Variants in SPCS2 observed in about 807,000 individuals in gnomAD.
SPCS2 encodes the protein signal peptidase complex subunit 2, also known as SPase 25 kDa subunit.
Under a neutral mutation model 22.3 loss-of-function variants are expected in SPCS2, and 3 were observed. The observed-to-expected ratio is 0.13, with a 90% CI of 0.06 to 0.35. SPCS2 has a LOEUF of 0.35. SPCS2 is among the 10% of genes least tolerant of loss of function. The probability of loss-of-function intolerance (pLI) is 1.00; values close to 1 mark genes in which losing one functional copy is unlikely to be tolerated. For synonymous variants in SPCS2, 67 were observed against 97.2 expected, an observed-to-expected ratio of 0.69 and a Z score of 1.83; for missense variants, 169 against 280.9, an observed-to-expected ratio of 0.60 and a Z score of 2.85.
At chr11:74,968,513 TTTTTG>T (rs1280871063) in intron 3 of SPCS2, among the ~76,000 whole-genome samples, 4 of 147,684 alleles carry the variant, frequency 2.7e-5, no homozygotes, top group African/African-American at 1.0e-4. Context: ...TTGTGGGTTT[TTTTTG>T]TTTTTTTTTT....
At chr11:74,966,021 G>A in intron 3 of SPCS2, 98 bp downstream of exon 3, 1 of 1,114,730 alleles carries the variant, frequency 9.0e-7, no homozygotes, top group East Asian at 2.4e-5. Context: ...TTCATATTAG[G>A]GCTTGCTAAT....
chr11:74,956,329 A>G (rs1308276649), intron 1 of SPCS2, among the ~76,000 whole-genome samples: 1 of 152,138 alleles, frequency 6.6e-6, no homozygotes, highest in South Asian at 2.1e-4. Flanking sequence ...CCTACTTGTC[A>G]TCTCCACTTA....
chr11:74,966,060 GT>G (rs1948543357), intron 3 of SPCS2, 137 bp downstream of exon 3: 1 of 739,692 alleles, frequency 1.4e-6, no homozygotes, highest in Admixed American at 2.7e-5. Context: ...GAGCTGTGAT[GT>G]TTATATAGTA....
intron 1 of SPCS2, among the ~76,000 whole-genome samples, chr11:74,952,892 T>C (rs549049112): frequency 5.0e-4 from 76 of 152,318 alleles, no homozygotes; most frequent in Admixed American, 2.9e-3. Flanking sequence ...ACACTGCACA[T>C]GGGAATTAAG....
chr11:74,976,755 G>A (rs996284734), intron 4 of SPCS2, 102 bp from the exon 5 acceptor site: 7 of 1,448,386 alleles, frequency 4.8e-6, no homozygotes, highest in South Asian at 2.5e-5. Flanking sequence ...GTATCACCGT[G>A]CCCAGCTTAC....
rs1464557566 is a variant in SPCS2 at position 74,971,708 on chromosome 11, G to A, written c.494+2009G>A. Among the ~76,000 whole-genome samples the A allele has an allele frequency of 3.9e-5, 6 of 152,102 alleles. No homozygotes were observed. The South Asian group carries it at 6.2e-4, about 16-fold the overall frequency. On this transcript the variant is annotated intron_variant, in intron 4 of 4. Coordinates refer to ENST00000263672, the MANE Select transcript of SPCS2 (RefSeq NM_014752.3). The stretch of plus-strand genomic sequence containing the variant: ...GGTTTCACAGACTACTAGTTGCCAC[G>A]TGCAGACAACACAAGCTATGTGACT...
At chr11:74,960,200 C>T (rs768214456) in intron 1 of SPCS2, among the ~76,000 whole-genome samples, 3 of 152,158 alleles carry the variant, frequency 2.0e-5, no homozygotes, top group Non-Finnish European at 4.4e-5. Context: ...ACTGTGATGA[C>T]ACTTGTCTGT....
chr11:74,957,234 A>G (rs776619653), intron 1 of SPCS2, among the ~76,000 whole-genome samples: 8 of 152,110 alleles, frequency 5.3e-5, no homozygotes, highest in Non-Finnish European at 1.2e-4. Context: ...TAAAAATATT[A>G]TTTTTTTCTT....
chr11:74,978,061 C>T lies in SPCS2; in HGVS notation c.*1018C>T, dbSNP rs1192329569. The T allele has an allele frequency of 1.3e-5, 2 of 152,188 alleles. No homozygotes were observed. Among genetic ancestry groups the T allele is most frequent in the African/African-American group, 4.8e-5 (2 of 41,460 alleles). The allele number at this position is 152,188 out of a possible 1,614,324, so 9.4% of individuals were successfully genotyped here. ...AATTGTCACACAGCTAGTGATAGAA[C>T]TGGGATTCAAACCTGGGGAGTCCGG... On this transcript the variant is annotated 3_prime_UTR_variant, in exon 5 of 5. Coordinates refer to ENST00000263672, the MANE Select transcript of SPCS2 (RefSeq NM_014752.3).
chr11:74,962,159 G>C (rs757652699), intron 1 of SPCS2, among the ~76,000 whole-genome samples: 1 of 152,192 alleles, frequency 6.6e-6, no homozygotes, highest in African/African-American at 2.4e-5. Context: ...ACCTGTGTAA[G>C]GGATATCATC....
chr11:74,957,744 T>C (rs1034519682), intron 1 of SPCS2, among the ~76,000 whole-genome samples: 4 of 152,258 alleles, frequency 2.6e-5, no homozygotes, highest in African/African-American at 9.6e-5. Context: ...ATTGTAAGTA[T>C]AGGATTTTCC....
Position 74,972,119 on chromosome 11 carries a change from C to T in SPCS2, c.494+2420C>T, listed in dbSNP as rs561043895. 1.8e-4 allele frequency among the ~76,000 whole-genome samples: 27 copies of T among 151,918 alleles called. No individual in the cohort carries two copies. In the East Asian group the frequency reaches 1.9e-3, roughly 11 times the overall value. ...TTCACTCTTGTCACCCAGGCTGGAGCGCAATGACGCGATCTTGGCTCACTG... is the reference window on the plus strand; with the variant it reads ...TTCACTCTTGTCACCCAGGCTGGAGTGCAATGACGCGATCTTGGCTCACTG... On this transcript the variant is annotated intron_variant, in intron 4 of 4. Coordinates refer to ENST00000263672, the MANE Select transcript of SPCS2 (RefSeq NM_014752.3).
chr11:74,976,031 A>G (rs1948611643), intron 4 of SPCS2, among the ~76,000 whole-genome samples: 5 of 152,186 alleles, frequency 3.3e-5, no homozygotes, highest in Admixed American at 3.3e-4. Context: ...CATTTAGTAA[A>G]GCAGTTGGCA....
intron 4 of SPCS2, 105 bp downstream of exon 4, chr11:74,969,804 A>AG: frequency 7.7e-7 from 1 of 1,298,248 alleles, no homozygotes; most frequent in Non-Finnish European, 1.1e-6. Context: ...TGTGGATCAT[A>AG]GGGCTAGTCA....
chr11:74,956,172 T>A (rs1351381005), intron 1 of SPCS2, among the ~76,000 whole-genome samples: 1 of 151,924 alleles, frequency 6.6e-6, no homozygotes, highest in Admixed American at 6.6e-5. Context: ...TATGAGCTTA[T>A]TACCCCTGGC....
chr11:74,970,389 A>G (rs746166658), intron 4 of SPCS2, among the ~76,000 whole-genome samples: 2 of 152,182 alleles, frequency 1.3e-5, no homozygotes, highest in Non-Finnish European at 2.9e-5. Flanking sequence ...AAGTTTTAGA[A>G]CACTCATTTT....
intron 1 of SPCS2, chr11:74,949,641 C>T: frequency 1.8e-6 from 1 of 566,356 alleles, no homozygotes; most frequent in Non-Finnish European, 3.3e-6. Context: ...GGTCGCCACA[C>T]CTTTTTCGGT....
At chr11:74,965,194 A>G in intron 2 of SPCS2, 77 bp downstream of exon 2, 1 of 981,224 alleles carries the variant, frequency 1.0e-6, no homozygotes, top group Non-Finnish European at 1.5e-6. Context: ...TTCCTTTTGT[A>G]ACTTGGAGTG....
At chr11:74,967,910 G>A (rs1273007049) in intron 3 of SPCS2, among the ~76,000 whole-genome samples, 1 of 151,966 alleles carries the variant, frequency 6.6e-6, no homozygotes, top group African/African-American at 2.4e-5. Context: ...CTCTAGCCTG[G>A]GTGACAGAGT....
Sources: allele counts gnomAD v4.1 joint callset (sites outside exome capture counted in the v4.1 genomes callset), GRCh38; gene constraint gnomAD v4.1.1; transcripts MANE v1.5; gene names NCBI Gene and HGNC (gene_info 2026-07-23, HGNC 2026-07-21).